FLT1: variants seen among roughly 807,000 people sequenced by gnomAD.
FLT1 encodes the protein vascular endothelial growth factor receptor 1.
A neutral mutation model predicts 156.3 loss-of-function variants in FLT1; 49 were observed. The observed-to-expected ratio is 0.31, with a 90% confidence interval of 0.25 to 0.40. The LOEUF is 0.40. Ranked by LOEUF, FLT1 falls within the 10% of genes least tolerant of loss-of-function variation. The probability of loss-of-function intolerance (pLI) is 1.00; values close to 1 mark genes in which losing one functional copy is unlikely to be tolerated. For synonymous variants in FLT1, 594 were observed against 583.8 expected (o/e 1.02, Z -0.25); for missense variants, 1,322 against 1,637.2 (o/e 0.81, Z 3.32).
intron 11 of FLT1, among the ~76,000 whole-genome samples, chr13:28,403,738 G>C (rs1350752219): frequency 3.3e-5 from 5 of 152,206 alleles, no homozygotes. Flanking sequence ...AACTGAGGTA[G>C]TTTCCTTATT....
rs61763568 is a variant in FLT1 at position 28,308,990 on chromosome 13, A to G, written c.3636-63T>C. 2.0e-3 allele frequency: 1,824 copies of G among 925,540 alleles called. 21 individuals are homozygous for G. In the African/African-American group the frequency reaches 0.026, roughly 13 times the overall value. 57.3% of individuals were successfully genotyped at this position (925,540 alleles called of 1,614,324 possible). ...AGGCATCCAGCTCTAATGAGTCAGG[A>G]GACCACAGGCACCATATCCCAGCTA... On this transcript the variant is annotated intron_variant, in intron 27 of 29. Transcript: ENST00000282397.
chr13:28,480,163 T>C (rs1012914139), intron 1 of FLT1, among the ~76,000 whole-genome samples: 1 of 152,220 alleles, frequency 6.6e-6, no homozygotes. Context: ...ATCTCTCTTT[T>C]ACTGCCACCA....
chr13:28,326,520 C>CTCT (rs1871686521), intron 20 of FLT1, among the ~76,000 whole-genome samples: 1 of 80,014 alleles, frequency 1.2e-5, no homozygotes, highest in African/African-American at 4.8e-5. Flanking sequence ...CTCTCTCTCT[C>CTCT]TTTTTTTTTT....
rs765366594 is a variant in FLT1, at chr13:28,390,114, A to G, written c.1661-10T>C. Reference sequence around the variant, plus strand: ...AACCCATTTGGCACATCTATAAAATAAGAATAAAGAACTTCAGTTCACAGA... The same window carrying G: ...AACCCATTTGGCACATCTATAAAATGAGAATAAAGAACTTCAGTTCACAGA... On this transcript the variant is annotated splice_polypyrimidine_tract_variant and intron_variant, in intron 12 of 29. Coordinates refer to ENST00000282397, the MANE Select transcript of FLT1 (RefSeq NM_002019.4). 1 of 1,610,932 alleles carries G rather than the reference A, an allele frequency of 6.2e-7. No individual in the cohort carries two copies. The highest frequency in any genetic ancestry group is 1.1e-5 in the South Asian group (1 of 90,952).
intron 1 of FLT1, among the ~76,000 whole-genome samples, chr13:28,487,259 G>A (rs1217662319): frequency 3.3e-5 from 5 of 152,254 alleles, no homozygotes; most frequent in Admixed American, 6.5e-5. Flanking sequence ...GCCCTAGAGA[G>A]AGGCAAAGGC....
At position 28,367,996 on chromosome 13, in the gene FLT1, G is replaced by A. The variant is rs372464478; in HGVS notation, c.2117-10311C>T. 66 of 199,874 alleles carry A rather than the reference G, an allele frequency of 3.3e-4. No homozygotes were observed. The South Asian group carries it at 0.011, about 34-fold the overall frequency. The allele number at this position is 199,874 out of a possible 1,614,324, so 12.4% of individuals were successfully genotyped here. ...CATTGCACATTTATGAACTGACTTTGTACCTATTATGTTTGTTTTTCAAAG... is the reference window on the plus strand; with the variant it reads ...CATTGCACATTTATGAACTGACTTTATACCTATTATGTTTGTTTTTCAAAG... On this transcript the variant is annotated intron_variant, in intron 14 of 29. Transcript: ENST00000282397.
chr13:28,427,296 C>A lies in FLT1; in HGVS notation c.1299G>T (p.Lys433Asn), dbSNP rs764424089. The A allele has an allele frequency of 6.2e-7, 1 of 1,613,952 alleles. No homozygotes were observed. The highest frequency in any genetic ancestry group is 8.5e-7 in the Non-Finnish European group (1 of 1,179,932). Residue 433 changes from lysine (K) to asparagine (N), a missense_variant, in exon 10 of 30, where the codon AAG becomes AAT. Around this residue, in one of 3 missense-constraint regions of FLT1, gnomAD observed 991 missense variants for 1,254.8 expected, o/e 0.79. Transcript: ENST00000282397. ...IVNVKPQIYEKAVSSFPDPAL... is the reference protein window; with the variant it reads ...IVNVKPQIYENAVSSFPDPAL... ...CCGGGTCTGGAAACGATGACACGGC[C>A]TTTTCGTAAATCTGGGGTTTCACTG...
chr13:28,415,428 C>T (rs1043628318), intron 10 of FLT1, among the ~76,000 whole-genome samples: 1 of 152,074 alleles, frequency 6.6e-6, no homozygotes, highest in Admixed American at 6.6e-5. Context: ...TTGCAGTGAG[C>T]CAAGATCGCG....
At chr13:28,372,074 A>ATTTTTTT (rs1290920015) in intron 14 of FLT1, among the ~76,000 whole-genome samples, 45 of 14,168 alleles carry the variant, frequency 3.2e-3, no homozygotes, top group East Asian at 4.9e-3. Context: ...ATATATATAT[A>ATTTTTTT]TATTTTTTTT....
At chr13:28,416,413 A>G (rs370347555) in intron 10 of FLT1, among the ~76,000 whole-genome samples, 1 of 152,202 alleles carries the variant, frequency 6.6e-6, no homozygotes, top group African/African-American at 2.4e-5. Flanking sequence ...GTTGTGACAC[A>G]ACCAATCCTG....
chr13:28,386,677 C>T (rs1874384753), intron 13 of FLT1: 5 of 1,056,626 alleles, frequency 4.7e-6, no homozygotes, highest in Non-Finnish European at 5.7e-6. Flanking sequence ...TGTTTAAAAC[C>T]TTTGATTTAC....
chr13:28,313,142 T>G (rs2138815951), intron 25 of FLT1, among the ~76,000 whole-genome samples: 1 of 151,880 alleles, frequency 6.6e-6, no homozygotes, highest in East Asian at 1.9e-4. Flanking sequence ...CCACACCTGG[T>G]TAATTTTTGT....
At chr13:28,331,828 C>T (rs1262128984) in intron 18 of FLT1, among the ~76,000 whole-genome samples, 2 of 151,460 alleles carry the variant, frequency 1.3e-5, no homozygotes, top group Admixed American at 1.3e-4. Context: ...GATGATTTGG[C>T]AGTCTTTTAC....
chr13:28,429,001 A>G (rs1013468795), intron 8 of FLT1, among the ~76,000 whole-genome samples: 2 of 152,108 alleles, frequency 1.3e-5, no homozygotes, highest in Non-Finnish European at 2.9e-5. Context: ...CTTGCTACTT[A>G]GTTACTGAAG....
At chr13:28,452,152 G>C (rs1481098429) in intron 3 of FLT1, among the ~76,000 whole-genome samples, 2 of 152,168 alleles carry the variant, frequency 1.3e-5, no homozygotes, top group African/African-American at 4.8e-5. Context: ...AACCCTGCAT[G>C]CACTCCTGTC....
At chr13:28,369,525 C>CA (rs1380873577) in intron 14 of FLT1, among the ~76,000 whole-genome samples, 1 of 151,590 alleles carries the variant, frequency 6.6e-6, no homozygotes, top group Non-Finnish European at 1.5e-5. Flanking sequence ...ACTCCATCTC[C>CA]AAAAAAGAAA....
chr13:28,310,512 T>C (rs532760390), intron 27 of FLT1, among the ~76,000 whole-genome samples: 48 of 152,280 alleles, frequency 3.2e-4, no homozygotes, highest in African/African-American at 1.1e-3. Flanking sequence ...AGTTGATACA[T>C]GGAAAAAGCC....
chr13:28,431,400 C>T (rs774437253), intron 6 of FLT1, 90 bp from the exon 7 acceptor site: 19 of 901,730 alleles, frequency 2.1e-5, no homozygotes, highest in African/African-American at 1.7e-4. Flanking sequence ...ATCATTAGTT[C>T]GACAACAGCT....
intron 23 of FLT1, among the ~76,000 whole-genome samples, chr13:28,319,927 C>A (rs1871372018): frequency 6.6e-6 from 1 of 152,082 alleles, no homozygotes; most frequent in South Asian, 2.1e-4. Context: ...AAAATTTTTC[C>A]AAAGGAGGAT....
Sources: allele counts gnomAD v4.1 joint callset (sites outside exome capture counted in the v4.1 genomes callset), GRCh38; gene constraint gnomAD v4.1.1; regional missense constraint gnomAD v4.1.1; transcripts MANE v1.5; gene names NCBI Gene and HGNC (gene_info 2026-07-23, HGNC 2026-07-21).